UTP18: variants seen among roughly 807,000 people sequenced by gnomAD.
UTP18 encodes the protein UTP18 small subunit processome component, also known as U3 small nucleolar RNA-associated protein 18 homolog.
Under a neutral mutation model 61.1 loss-of-function variants are expected in UTP18, and 36 were observed. The observed-to-expected ratio is 0.59, with a 90% CI of 0.45 to 0.78. The LOEUF (loss-of-function observed/expected upper bound fraction) is 0.78, where lower values mean the gene tolerates loss of function less well. Ranked by LOEUF, UTP18 falls within the 30% of genes least tolerant of loss-of-function variation. UTP18 has a pLI of 0.00. For synonymous variants in UTP18, 282 were observed against 251.1 expected, an observed-to-expected ratio of 1.12 and a Z score of -1.16; for missense variants, 753 against 693.9, an observed-to-expected ratio of 1.09 and a Z score of -0.96.
At chr17:51,274,870 C>G (rs1017479760) in intron 5 of UTP18, among the ~76,000 whole-genome samples, 2 of 152,028 alleles carry the variant, frequency 1.3e-5, no homozygotes, top group African/African-American at 4.8e-5. Context: ...ATTCATTTAG[C>G]TCTTTACGGG....
At chr17:51,296,790 G>A (rs1420738834) in intron 12 of UTP18, 175 bp from the exon 13 acceptor site, 9 of 566,324 alleles carry the variant, frequency 1.6e-5, no homozygotes, top group Non-Finnish European at 2.4e-5. Context: ...AATCTGAGGC[G>A]TTCAGATCCT....
At chr17:51,284,161 T>G (rs942673335) in intron 9 of UTP18, among the ~76,000 whole-genome samples, 2 of 152,238 alleles carry the variant, frequency 1.3e-5, no homozygotes, top group African/African-American at 4.8e-5. Flanking sequence ...TACTCTAGCC[T>G]GGAACATTTT....
Position 51,275,975 on chromosome 17 carries a change from C to T in UTP18, c.821C>T (p.Ala274Val), listed in dbSNP as rs1567701679. 1 of 1,609,588 alleles carries T rather than the reference C, an allele frequency of 6.2e-7. No homozygotes were observed. ...GTGATGGTTGCTGGATTAGATAATGCTGTATCACTATTTCAGGTATGCATC... is the reference window on the plus strand; with the variant it reads ...GTGATGGTTGCTGGATTAGATAATGTTGTATCACTATTTCAGGTATGCATC... ...QIVMVAGLDN[A>V]VSLFQVDGKT... The change falls in exon 6 of 14, where the codon GCT becomes GTT. Residue 274 changes from alanine to valine, a missense_variant. By Grantham distance (64) the Ala-to-Val change is moderately conservative (BLOSUM62 0). Coordinates refer to ENST00000225298, the MANE Select transcript of UTP18 (RefSeq NM_016001.3).
chr17:51,260,671 G>A lies in UTP18; in HGVS notation c.87G>A (p.Trp29Ter). 1.2e-6 allele frequency: 2 copies of A among 1,611,528 alleles called. No individual in the cohort carries two copies. The highest frequency in any genetic ancestry group is 1.7e-6 in the Non-Finnish European group (2 of 1,179,386). The change falls in exon 1 of 14, where the codon TGG becomes TGA. Residue 29 changes from tryptophan to a stop codon, truncating the protein, a stop_gained. Coordinates refer to ENST00000225298, the MANE Select transcript of UTP18 (RefSeq NM_016001.3). LOFTEE classifies it high-confidence loss of function. ...GGAAGCCCGGAATGAGGCCGGACTG[G>A]AAAGCCGGAGCGGGGCCAGGCGGGC... is the stretch of plus-strand genomic sequence containing the variant. ...PKRKPGMRPD[W>*]KAGAGPGGPP...
chr17:51,275,936 C>G lies in UTP18; in HGVS notation c.782C>G (p.Pro261Arg), dbSNP rs892749380. The G allele has an allele frequency of 1.9e-6, 3 of 1,612,914 alleles. No individual in the cohort carries two copies. Among genetic ancestry groups the G allele is most frequent in the African/African-American group, 2.7e-5 (2 of 74,838 alleles). The change falls in exon 6 of 14, where the codon CCC becomes CGC. Residue 261 changes from proline (P) to arginine (R), a missense_variant. By Grantham distance (103) the Pro-to-Arg change is moderately radical (BLOSUM62 -2). Coordinates refer to ENST00000225298, the MANE Select transcript of UTP18 (RefSeq NM_016001.3). ...VARISSVQFH[P>R]GAQIVMVAGL... is the part of the protein sequence containing the mutation. Reference sequence around the variant, plus strand: ...CGGATCTCATCTGTGCAGTTCCATCCCGGTGCACAGATTGTGATGGTTGCT... The same window carrying G: ...CGGATCTCATCTGTGCAGTTCCATCGCGGTGCACAGATTGTGATGGTTGCT...
chr17:51,295,106 G>T (rs1482828495), intron 12 of UTP18, among the ~76,000 whole-genome samples: 1 of 152,134 alleles, frequency 6.6e-6, no homozygotes, highest in Non-Finnish European at 1.5e-5. Context: ...TTAGCCCTTT[G>T]TCAGATGAGT....
chr17:51,283,920 A>T (rs759930759), intron 9 of UTP18, among the ~76,000 whole-genome samples: 9 of 152,172 alleles, frequency 5.9e-5, no homozygotes, highest in Non-Finnish European at 1.0e-4. Flanking sequence ...TGGCCATCTC[A>T]TGTTGCCTTT....
At position 51,275,885 on chromosome 17, in the gene UTP18, C is replaced by T. The variant is rs762888616; in HGVS notation, c.731C>T (p.Ala244Val). The T allele has an allele frequency of 1.8e-5, 29 of 1,603,996 alleles. No individual in the cohort carries two copies. Among genetic ancestry groups the T allele is most frequent in the Middle Eastern group, 1.7e-4 (1 of 6,060 alleles). The stretch of plus-strand genomic sequence containing the variant: ...CTATAGATGAAGAACTGCCAGCATG[C>T]GAATGCTGAACGTCCTACTGTTGCT... ...GILKMKNCQH[A>V]NAERPTVARI... Residue 244 changes from alanine (A) to valine (V), a missense_variant, in exon 6 of 14, where the codon GCG becomes GTG. Transcript: ENST00000225298.
At chr17:51,265,001 C>G (rs34709162) in intron 2 of UTP18, among the ~76,000 whole-genome samples, 19 of 152,086 alleles carry the variant, frequency 1.2e-4, no homozygotes, top group Middle Eastern at 3.4e-3. Flanking sequence ...TATAAATATT[C>G]TTTATTATGT....
chr17:51,260,976 G>A lies in UTP18; in HGVS notation c.342+50G>A, dbSNP rs1019003543. On this transcript the variant is annotated intron_variant, in intron 1 of 13. Transcript: ENST00000225298. The stretch of plus-strand genomic sequence containing the variant: ...CTGGGCGCACTCGGGCGGGGCGCGC[G>A]GTGGGCGGTGAAGCTCCGGGGGGCG... 1.3e-5 allele frequency: 18 copies of A among 1,411,188 alleles called. No individual in the cohort carries two copies. In the African/African-American group the frequency reaches 1.8e-4, roughly 14 times the overall value. The allele number at this position is 1,411,188 out of a possible 1,614,324, so 87.4% of individuals were successfully genotyped here. A position where few individuals can be genotyped will look rare whatever the true frequency, so the allele number is the denominator to read the frequency against.
chr17:51,261,749 G>A lies in UTP18; in HGVS notation c.342+823G>A, dbSNP rs549198634. 3.3e-5 allele frequency among the ~76,000 whole-genome samples: 5 copies of A among 152,208 alleles called. No homozygotes were observed. In the East Asian group the frequency reaches 9.7e-4, roughly 29 times the overall value. On this transcript the variant is annotated intron_variant, in intron 1 of 13. Coordinates refer to ENST00000225298, the MANE Select transcript of UTP18 (RefSeq NM_016001.3). ...GTGTGTAGAGGCCTGTGAAATTTTAGATAAAGGGGGCAGAGGAAAGCTCAC... is the reference window on the plus strand; with the variant it reads ...GTGTGTAGAGGCCTGTGAAATTTTAAATAAAGGGGGCAGAGGAAAGCTCAC...
intron 13 of UTP18, 147 bp downstream of exon 13, chr17:51,297,150 C>T: frequency 1.5e-6 from 1 of 673,226 alleles, no homozygotes; most frequent in East Asian, 3.0e-5. Flanking sequence ...GGAAGTAGAT[C>T]AGGAACTGTC....
intron 12 of UTP18, 37 bp downstream of exon 12, chr17:51,294,082 A>G (rs370243801): frequency 2.0e-6 from 3 of 1,516,064 alleles, no homozygotes; most frequent in Admixed American, 2.2e-5. Context: ...AGAGATACCT[A>G]TAAACTACTT....
chr17:51,287,995 T>G (rs1341223617), intron 10 of UTP18, 34 bp from the exon 11 acceptor site: 4 of 1,482,686 alleles, frequency 2.7e-6, no homozygotes, highest in Admixed American at 2.6e-5. Flanking sequence ...TTTTACTTGG[T>G]TTTTAATCTA....
chr17:51,261,042 G>C, intron 1 of UTP18, 116 bp downstream of exon 1: 2 of 966,232 alleles, frequency 2.1e-6, no homozygotes, highest in Non-Finnish European at 2.7e-6. Context: ...GCTCAGGTGG[G>C]AGGGAGCCCG....
intron 11 of UTP18, among the ~76,000 whole-genome samples, chr17:51,290,371 G>A (rs1339874738): frequency 6.6e-6 from 1 of 152,122 alleles, no homozygotes; most frequent in Non-Finnish European, 1.5e-5. Flanking sequence ...AGCCAAGATC[G>A]TGCCTCTGTA....
chr17:51,296,740 C>G (rs1449592038), intron 12 of UTP18: 2 of 475,498 alleles, frequency 4.2e-6, no homozygotes, highest in Non-Finnish European at 7.4e-6. Flanking sequence ...CATAGACCCC[C>G]CATGTGAAAC....
intron 2 of UTP18, among the ~76,000 whole-genome samples, chr17:51,264,306 A>G (rs1242182115): frequency 3.3e-5 from 5 of 152,058 alleles, no homozygotes; most frequent in Non-Finnish European, 2.9e-5. Flanking sequence ...TCTGCCTCCC[A>G]AAGTGCTGAG....
Position 51,277,323 on chromosome 17 carries a change from G to A in UTP18, c.1012+19G>A, listed in dbSNP as rs1567702197. On this transcript the variant is annotated intron_variant, in intron 7 of 13. Transcript: ENST00000225298. ...GTGAGAGGTAAGATTTCTGTTGAAT[G>A]CACACAACCAGTCATTCCCCCCAAG... 6.2e-7 allele frequency: 1 copy of A among 1,612,016 alleles called. No homozygotes were observed. Among genetic ancestry groups the A allele is most frequent in the Non-Finnish European group, 8.5e-7 (1 of 1,178,654 alleles).
Sources: allele counts gnomAD v4.1 joint callset (sites outside exome capture counted in the v4.1 genomes callset), GRCh38; gene constraint gnomAD v4.1.1; transcripts MANE v1.5; gene names NCBI Gene and HGNC (gene_info 2026-07-23, HGNC 2026-07-21).